GNAZ: variants seen among roughly 807,000 people sequenced by gnomAD.
The protein encoded by GNAZ is G protein subunit alpha z.
GNAZ carries 3 observed loss-of-function variants against 25.4 expected under a neutral mutation model. The observed-to-expected ratio is 0.12, with a 90% CI of 0.05 to 0.30. The LOEUF (loss-of-function observed/expected upper bound fraction) is 0.30, where lower values mean the gene tolerates loss of function less well. Ranked by LOEUF, GNAZ falls within the 10% of genes least tolerant of loss-of-function variation. The pLI, the probability that GNAZ is intolerant of heterozygous loss-of-function variation, is 1.00. For missense variants in GNAZ, 241 were observed against 501.8 expected (o/e 0.48, Z 4.97); for synonymous variants, 211 against 205.7 (o/e 1.03, Z -0.22).
Position 23,096,412 on chromosome 22 carries a change from C to T in GNAZ, c.717C>T (p.Asn239=). 2 of 1,603,720 alleles carry T rather than the reference C, an allele frequency of 1.2e-6. No individual in the cohort carries two copies. Among genetic ancestry groups the T allele is most frequent in the Non-Finnish European group, 1.7e-6 (2 of 1,176,318 alleles). ...SGYDLKLYED[N]QTSRMAESLR... Reference sequence around the variant, plus strand: ...ACGACCTGAAACTCTACGAGGATAACCAGACAGTAAGTGGGGCCGGGGGTT... The same window carrying T: ...ACGACCTGAAACTCTACGAGGATAATCAGACAGTAAGTGGGGCCGGGGGTT... The change falls in exon 2 of 3, where the codon AAC becomes AAT. Residue 239 remains asparagine, a synonymous_variant. Transcript: ENST00000615612.
intron 2 of GNAZ, among the ~76,000 whole-genome samples, chr22:23,107,678 C>T (rs903858874): frequency 2.0e-5 from 3 of 152,134 alleles, no homozygotes; most frequent in Non-Finnish European, 4.4e-5. Context: ...ACCAAGGGAG[C>T]GCAGCAGTGG....
At chr22:23,092,909 C>T (rs936162540) in intron 1 of GNAZ, among the ~76,000 whole-genome samples, 14 of 152,234 alleles carry the variant, frequency 9.2e-5, no homozygotes, top group Non-Finnish European at 1.9e-4. Context: ...CTGGGTTGGA[C>T]ACTGCCTTCT....
At chr22:23,074,865 C>A (rs1333067192) in intron 1 of GNAZ, among the ~76,000 whole-genome samples, 1 of 151,996 alleles carries the variant, frequency 6.6e-6, no homozygotes. Flanking sequence ...ATTTTGGGGG[C>A]CCCCATTTGA....
At chr22:23,097,662 G>T (rs2069166673) in intron 2 of GNAZ, among the ~76,000 whole-genome samples, 1 of 152,280 alleles carries the variant, frequency 6.6e-6, no homozygotes, top group Non-Finnish European at 1.5e-5. Flanking sequence ...CCCTTACCCT[G>T]TGGTTGCCAC....
chr22:23,099,195 C>T (rs1341504267), intron 2 of GNAZ, among the ~76,000 whole-genome samples: 3 of 152,252 alleles, frequency 2.0e-5, no homozygotes, highest in South Asian at 2.1e-4. Flanking sequence ...CCAAGGAGAA[C>T]GTCAGTGTCT....
At chr22:23,073,723 AC>A (rs1335103099) in intron 1 of GNAZ, among the ~76,000 whole-genome samples, 4 of 152,150 alleles carry the variant, frequency 2.6e-5, no homozygotes, top group African/African-American at 9.7e-5. Flanking sequence ...GAGGAGCAGA[AC>A]CTCACGCGAT....
chr22:23,089,180 G>A (rs1262333719), intron 1 of GNAZ, among the ~76,000 whole-genome samples: 1 of 152,176 alleles, frequency 6.6e-6, no homozygotes, highest in Non-Finnish European at 1.5e-5. Context: ...TGAGGGAGCT[G>A]GTCTATAAGC....
intron 1 of GNAZ, among the ~76,000 whole-genome samples, chr22:23,080,202 A>G (rs1260650272): frequency 1.3e-5 from 2 of 152,206 alleles, no homozygotes; most frequent in Non-Finnish European, 2.9e-5. Flanking sequence ...GCCCAGAGAA[A>G]TATCTGGCTT....
chr22:23,078,502 C>T (rs1038622697), intron 1 of GNAZ, among the ~76,000 whole-genome samples: 53 of 152,358 alleles, frequency 3.5e-4, no homozygotes, highest in African/African-American at 1.3e-3. Context: ...TCTGTCGTGG[C>T]TCCTGGAGTG....
chr22:23,077,642 G>A (rs1260419678), intron 1 of GNAZ, among the ~76,000 whole-genome samples: 1 of 152,174 alleles, frequency 6.6e-6, no homozygotes, highest in Non-Finnish European at 1.5e-5. Context: ...GAGGGCTGAG[G>A]CATGTAAAGT....
intron 2 of GNAZ, among the ~76,000 whole-genome samples, chr22:23,110,583 A>G (rs2069616840): frequency 6.6e-6 from 1 of 152,222 alleles, no homozygotes; most frequent in Non-Finnish European, 1.5e-5. Flanking sequence ...ACCTGAGCAG[A>G]TGGGCAGTAG....
At chr22:23,107,814 G>A (rs902029390) in intron 2 of GNAZ, among the ~76,000 whole-genome samples, 1 of 152,306 alleles carries the variant, frequency 6.6e-6, no homozygotes, top group Non-Finnish European at 1.5e-5. Context: ...AAAGCCGGAA[G>A]AGCACCTGCT....
chr22:23,112,501 T>C (rs1357610536), intron 2 of GNAZ, among the ~76,000 whole-genome samples: 1 of 152,100 alleles, frequency 6.6e-6, no homozygotes, highest in East Asian at 1.9e-4. Context: ...ATGACAGCCC[T>C]GGACACAGCA....
chr22:23,096,313 G>A lies in GNAZ; in HGVS notation c.618G>A (p.Arg206=). The A allele has an allele frequency of 6.2e-7, 1 of 1,614,022 alleles. No homozygotes were observed. The highest frequency in any genetic ancestry group is 8.5e-7 in the Non-Finnish European group (1 of 1,180,026). Residue 206 remains arginine (R), a synonymous_variant, in exon 2 of 3, where the codon AGG becomes AGA. Coordinates refer to ENST00000615612, the MANE Select transcript of GNAZ (RefSeq NM_002073.4). ...TFKMVDVGGQ[R]SERKKWIHCF... ...AGATGGTGGACGTGGGGGGGCAGAG[G>A]TCAGAGCGCAAAAAGTGGATCCACT... is the stretch of plus-strand genomic sequence containing the variant.
intron 1 of GNAZ, among the ~76,000 whole-genome samples, chr22:23,088,795 C>T (rs754454954): frequency 2.0e-5 from 3 of 152,128 alleles, no homozygotes; most frequent in Middle Eastern, 3.2e-3. Flanking sequence ...GCCCATCGGG[C>T]ATTAGGGGTG....
At chr22:23,074,391 G>A (rs2068457541) in intron 1 of GNAZ, among the ~76,000 whole-genome samples, 2 of 152,220 alleles carry the variant, frequency 1.3e-5, no homozygotes, top group South Asian at 4.1e-4. Flanking sequence ...GACAGCTGCA[G>A]TTTTGGTCTG....
intron 2 of GNAZ, among the ~76,000 whole-genome samples, chr22:23,099,265 G>A (rs2069224158): frequency 6.6e-6 from 1 of 152,276 alleles, no homozygotes; most frequent in African/African-American, 2.4e-5. Context: ...AGCAGGGAAG[G>A]CAGATTTCCG....
At chr22:23,101,935 C>G (rs992277590) in intron 2 of GNAZ, among the ~76,000 whole-genome samples, 7 of 152,230 alleles carry the variant, frequency 4.6e-5, no homozygotes, top group African/African-American at 1.4e-4. Context: ...ATATCCCCAG[C>G]CCGCATCCCT....
rs535887947 is a variant in GNAZ at position 23,111,610 on chromosome 22, A to C, written c.724-11477A>C. Among the ~76,000 whole-genome samples the C allele has an allele frequency of 1.3e-4, 20 of 152,348 alleles. 1 individual carries two copies. The South Asian group carries it at 4.1e-3, about 32-fold the overall frequency. On this transcript the variant is annotated intron_variant, in intron 2 of 2. Transcript: ENST00000615612. ...TAGAACCCAGTGACCATCTTGGACA[A>C]ACAGCTTATTTTACTGAGGCAGGAG...
Sources: allele counts gnomAD v4.1 joint callset (sites outside exome capture counted in the v4.1 genomes callset), GRCh38; gene constraint gnomAD v4.1.1; transcripts MANE v1.5; gene names NCBI Gene and HGNC (gene_info 2026-07-23, HGNC 2026-07-21).